Variants in NCOR2 observed in about 807,000 individuals in gnomAD.
NCOR2 encodes CTG repeat protein 26.
Under a neutral mutation model 262.9 loss-of-function variants are expected in NCOR2, and 81 were observed. That is an observed-to-expected ratio of 0.31 (90% CI 0.26 to 0.37). The LOEUF is 0.37. Among genes scored for constraint, NCOR2 ranks in the 10% least tolerant of loss-of-function variants. NCOR2 has a pLI of 1.00. For missense variants in NCOR2, 3,385 were observed against 3,621.4 expected, an observed-to-expected ratio of 0.93 and a Z score of 1.68; for synonymous variants, 1,659 against 1,559.3, an observed-to-expected ratio of 1.06 and a Z score of -1.51.
Position 124,363,814 on chromosome 12 carries a change from G to A in NCOR2, c.2808-15C>T. ...GGGACAGCAGCCTGCGGGCACACGA[G>A]CACCATCAGCTGGGGGCCCACAGCC... On this transcript the variant is annotated splice_polypyrimidine_tract_variant and intron_variant, in intron 20 of 46. Coordinates refer to ENST00000405201, the Ensembl canonical transcript of NCOR2. The A allele has an allele frequency of 1.5e-6, 2 of 1,334,800 alleles. No individual in the cohort carries two copies. Among genetic ancestry groups the A allele is most frequent in the South Asian group, 2.4e-5 (1 of 41,424 alleles). The allele number at this position is 1,334,800 out of a possible 1,614,324, so 82.7% of individuals were successfully genotyped here. A position where few individuals can be genotyped will look rare whatever the true frequency, so the allele number is the denominator to read the frequency against.
chr12:124,475,365 T>C (rs2047053041), intron 3 of NCOR2, among the ~76,000 whole-genome samples: 1 of 152,078 alleles, frequency 6.6e-6, no homozygotes, highest in Admixed American at 6.5e-5. Context: ...CCCCATGAAG[T>C]GGATCCCACA....
At chr12:124,488,198 T>C (rs149840282) in intron 1 of NCOR2, among the ~76,000 whole-genome samples, 89 of 152,318 alleles carry the variant, frequency 5.8e-4, no homozygotes, top group African/African-American at 2.1e-3. Context: ...GTTGATAATG[T>C]ATCTGTTGCA....
At chr12:124,452,009 G>A (rs2045578498) in intron 6 of NCOR2, among the ~76,000 whole-genome samples, 1 of 152,206 alleles carries the variant, frequency 6.6e-6, no homozygotes, top group Non-Finnish European at 1.5e-5. Context: ...CTCTCCTGGG[G>A]ACAGAGATGT....
chr12:124,419,865 C>A, intron 13 of NCOR2, 92 bp downstream of exon 15: 1 of 1,149,940 alleles, frequency 8.7e-7, no homozygotes, highest in Non-Finnish European at 1.3e-6. Context: ...GAGACAGTTA[C>A]CGCCAGCCAT....
At chr12:124,526,347 G>T (rs570793978) in intron 1 of NCOR2, among the ~76,000 whole-genome samples, 1 of 152,208 alleles carries the variant, frequency 6.6e-6, no homozygotes, top group East Asian at 1.9e-4. Context: ...GCCCAGCAAC[G>T]CAGGCCCTGT....
intron 11 of NCOR2, 116 bp from the exon 14 acceptor site, chr12:124,422,671 C>A: frequency 1.6e-6 from 2 of 1,228,604 alleles, no homozygotes; most frequent in Admixed American, 2.0e-5. Flanking sequence ...GGGCACCGCC[C>A]CACTTGGAGC....
At chr12:124,379,689 C>T (rs2040274340) in intron 17 of NCOR2, among the ~76,000 whole-genome samples, 1 of 152,210 alleles carries the variant, frequency 6.6e-6, no homozygotes, top group East Asian at 1.9e-4. Flanking sequence ...TGAATGGTGT[C>T]CCTCAAAGTT....
Position 124,439,662 on chromosome 12 carries a change from G to C in NCOR2, c.816-1666C>G, listed in dbSNP as rs2044704232. On this transcript the variant is annotated intron_variant, in intron 7 of 46. Coordinates refer to ENST00000405201, the Ensembl canonical transcript of NCOR2. ...GATAGACAGATGAGATCCAAGAAAG[G>C]ACAGAGACCTGGAGATGGACAGGAG... Among the ~76,000 whole-genome samples the C allele has an allele frequency of 1.3e-5, 2 of 151,946 alleles. 1 individual carries two copies. The highest frequency in any genetic ancestry group is 1.3e-4 in the Admixed American group (2 of 15,260).
At position 124,333,155 on chromosome 12, in the gene NCOR2, G is replaced by A. The variant is rs1176209041; in HGVS notation, c.6730C>T (p.Arg2244Trp). 15 of 1,610,504 alleles carry A rather than the reference G, an allele frequency of 9.3e-6. No homozygotes were observed. The highest frequency in any genetic ancestry group is 3.3e-5 in the South Asian group (3 of 90,714). Residue 2244 changes from arginine (R) to tryptophan (W), a missense_variant, in exon 42 of 47, where the codon CGG (arginine) becomes TGG (tryptophan). By Grantham distance (101) the Arg-to-Trp change is moderately radical. Transcript: ENST00000405201. ...CTGGGCTCCGTCTGTTCCCCATCCC[G>A]GTACAGCAGCGGGTACACAGCACTC...
At chr12:124,347,697 T>A (rs1229399233) in intron 30 of NCOR2, 128 bp downstream of exon 32, 2 of 855,890 alleles carry the variant, frequency 2.3e-6, no homozygotes, top group Admixed American at 2.3e-5. Flanking sequence ...CATGTACATG[T>A]GTGCTGCAGG....
Position 124,340,020 on chromosome 12 carries a change from C to T in NCOR2, c.5673G>A (p.Thr1891=), listed in dbSNP as rs755595126. The change falls in exon 37 of 47, where the codon ACG becomes ACA. Residue 1891 remains threonine (T), a synonymous_variant. Coordinates refer to ENST00000405201, the Ensembl canonical transcript of NCOR2. ...ACCTGGCCCACCTCAGGACCGTGGG[C>T]GTGCTGGGCTCCACAGCGGTGATGA... 43 of 1,611,662 alleles carry T rather than the reference C, an allele frequency of 2.7e-5. 1 individual carries two copies. The highest frequency in any genetic ancestry group is 2.3e-4 in the South Asian group (21 of 91,032).
intron 16 of NCOR2, among the ~76,000 whole-genome samples, chr12:124,391,997 G>A (rs934769091): frequency 6.6e-6 from 1 of 152,226 alleles, no homozygotes; most frequent in Admixed American, 6.5e-5. Flanking sequence ...CTCTCCCTCT[G>A]GCCTTGGTCT....
chr12:124,370,925 T>C (rs1438201636), intron 20 of NCOR2, among the ~76,000 whole-genome samples: 1 of 152,164 alleles, frequency 6.6e-6, no homozygotes, highest in Non-Finnish European at 1.5e-5. Flanking sequence ...TCCTGAGCCC[T>C]GGACCCTTGG....
At chr12:124,399,898 G>A (rs192444403) in intron 15 of NCOR2, among the ~76,000 whole-genome samples, 3 of 152,124 alleles carry the variant, frequency 2.0e-5, no homozygotes, top group African/African-American at 4.8e-5. Context: ...GGGTAGTGAG[G>A]GATGAACACC....
At position 124,454,231 on chromosome 12, in the gene NCOR2, T is replaced by C. The variant is rs1232142072; in HGVS notation, c.762+2875A>G. ...AAGGCACTCCTCTCACTGAGCCTCA[T>C]CCAGAAAATGGGACGGCAACAGCTC... is the stretch of plus-strand genomic sequence containing the variant. On this transcript the variant is annotated intron_variant, in intron 6 of 46. Transcript: ENST00000405201. This position sits in a 1 kb window ranked among gnomAD's most constrained non-coding sequence, Gnocchi z 5.6. Among the ~76,000 whole-genome samples, 2 of 152,078 alleles carry C rather than the reference T, an allele frequency of 1.3e-5. No homozygotes were observed. The highest frequency in any genetic ancestry group is 1.3e-4 in the Admixed American group (2 of 15,266).
intron 1 of NCOR2, among the ~76,000 whole-genome samples, chr12:124,520,953 T>G: frequency 6.6e-6 from 1 of 151,550 alleles, no homozygotes; most frequent in South Asian, 2.1e-4. Flanking sequence ...CCAAAGGGGG[T>G]CTGGAAAGGG....
Position 124,376,962 on chromosome 12 carries a change from G to A in NCOR2, c.2167+1275C>T, listed in dbSNP as rs59833664. Among the ~76,000 whole-genome samples the A allele has an allele frequency of 7.7e-3, 1,172 of 152,276 alleles. 39 individuals carry two copies. The highest frequency in any genetic ancestry group is 0.062 in the Admixed American group (955 of 15,298). On this transcript the variant is annotated intron_variant, in intron 18 of 46. Coordinates refer to ENST00000405201, the Ensembl canonical transcript of NCOR2. ...GCAGAGAAGGGCTGAGGTCCTCCAG[G>A]GGCCTTCGGTCACGCCACAGGGGGA...
chr12:124,495,707 T>C (rs943584494), upstream of NCOR2, among the ~76,000 whole-genome samples: 1 of 152,080 alleles, frequency 6.6e-6, no homozygotes, highest in Admixed American at 6.5e-5. The surrounding 1 kb of genome is among the most constrained non-coding windows in gnomAD (Gnocchi z 4.4). Context: ...CTTCACTCCA[T>C]GGCCCCCGGG....
At chr12:124,553,492 C>T (rs2051780252) in intron 1 of NCOR2, among the ~76,000 whole-genome samples, 1 of 152,194 alleles carries the variant, frequency 6.6e-6, no homozygotes, top group Non-Finnish European at 1.5e-5. Flanking sequence ...CAGGCGATTC[C>T]CCAGGGTCCA....
Sources: gnomAD v4.1 joint callset for allele counts (sites outside exome capture counted in the v4.1 genomes callset) on GRCh38, gnomAD v4.1.1 for gene constraint, Gnocchi (gnomAD v3.1) non-coding constraint, MANE v1.5 for transcripts, NCBI Gene and HGNC (gene_info 2026-07-23, HGNC 2026-07-21) for gene names.